FANK1: variants seen among roughly 807,000 people sequenced by gnomAD.
The protein encoded by FANK1 is fibronectin type III and ankyrin repeat domains 1, also known as fibronectin type 3 and ankyrin repeat domains protein 1.
FANK1 carries 44 observed loss-of-function variants against 45.3 expected under a neutral mutation model. That is an observed-to-expected ratio of 0.97 (90% CI 0.76 to 1.25). FANK1 has a LOEUF of 1.25. Ranked by LOEUF, FANK1 falls within the 50% of genes most tolerant of loss-of-function variation. The pLI is 0.00. For synonymous variants in FANK1, 149 were observed against 152.5 expected (o/e 0.98, Z 0.17); for missense variants, 391 against 424.4 (o/e 0.92, Z 0.69).
chr10:125,984,409 T>G (rs1951422927), intron 2 of FANK1, among the ~76,000 whole-genome samples: 1 of 151,756 alleles, frequency 6.6e-6, no homozygotes, highest in Admixed American at 6.6e-5. Flanking sequence ...GGCGGGGAGG[T>G]AGATAGAATC....
intron 6 of FANK1, among the ~76,000 whole-genome samples, chr10:126,001,959 G>A (rs556016100): frequency 2.0e-5 from 3 of 152,074 alleles, no homozygotes; most frequent in African/African-American, 7.2e-5. Flanking sequence ...CTCTGATATG[G>A]GATTTTTTTT....
chr10:125,985,297 C>T (rs1488178486), intron 2 of FANK1, among the ~76,000 whole-genome samples: 2 of 152,202 alleles, frequency 1.3e-5, no homozygotes, highest in Non-Finnish European at 1.5e-5. Flanking sequence ...AAGATCTTTT[C>T]AGATGCCACA....
At chr10:125,948,773 C>T (rs1447567574) in intron 1 of FANK1, among the ~76,000 whole-genome samples, 2 of 151,134 alleles carry the variant, frequency 1.3e-5, no homozygotes, top group Non-Finnish European at 3.0e-5. Flanking sequence ...TTTTATGAGG[C>T]CAGCATCATT....
rs1172422059 is a variant in FANK1 at position 125,971,823 on chromosome 10, C to T, written c.14-8338C>T. On this transcript the variant is annotated intron_variant, in intron 1 of 10. Transcript: ENST00000368693. ...ATTTTTAGTAGAGACAGGGTTTCAC[C>T]ATGTTAGCCAGGATGGTCTCGATCT... 3.9e-5 allele frequency among the ~76,000 whole-genome samples: 6 copies of T among 152,190 alleles called. No individual in the cohort carries two copies. In the South Asian group the frequency reaches 6.2e-4, roughly 16 times the overall value.
chr10:125,901,505 C>T (rs1464234947), intron 1 of FANK1, among the ~76,000 whole-genome samples: 4 of 152,146 alleles, frequency 2.6e-5, no homozygotes, highest in African/African-American at 4.8e-5. Context: ...AAAGTCCTTA[C>T]GTTGATCTAG....
intron 1 of FANK1, among the ~76,000 whole-genome samples, chr10:125,938,295 A>G (rs200533989): frequency 7.1e-4 from 8 of 11,194 alleles, no homozygotes; most frequent in African/African-American, 2.8e-3. Context: ...ATTTATGATT[A>G]AAAAAAAAAT....
intron 1 of FANK1, among the ~76,000 whole-genome samples, chr10:125,906,612 G>A (rs1385470590): frequency 7.3e-5 from 11 of 150,554 alleles, no homozygotes; most frequent in Admixed American, 6.6e-5. Context: ...CCCCAGGCCA[G>A]TGCATTAGCA....
At chr10:125,931,627 A>C (rs988721870) in intron 1 of FANK1, among the ~76,000 whole-genome samples, 1 of 152,194 alleles carries the variant, frequency 6.6e-6, no homozygotes, top group African/African-American at 2.4e-5. Context: ...TCAGATGTAT[A>C]GATTGTGAAG....
intron 1 of FANK1, among the ~76,000 whole-genome samples, chr10:125,957,232 A>T (rs1425869307): frequency 6.6e-6 from 1 of 152,182 alleles, no homozygotes; most frequent in East Asian, 1.9e-4. Flanking sequence ...CAAGAACCTT[A>T]CGACAGTATT....
Position 125,989,430 on chromosome 10 carries a change from G to A in FANK1, c.316+755G>A, listed in dbSNP as rs554241759. ...AAGCTCTTTTTCCGTTTTATTCCAG[G>A]TAGCATTTGGCTTGGAGGTATGTGC... On this transcript the variant is annotated intron_variant, in intron 3 of 10. Transcript: ENST00000368693. The A allele has an allele frequency of 5.9e-4, 839 of 1,424,400 alleles. 4 individuals are homozygous for A. The highest frequency in any genetic ancestry group is 7.4e-4 in the Non-Finnish European group (766 of 1,032,262). 88.2% of individuals were successfully genotyped at this position (1,424,400 alleles called of 1,614,324 possible).
intron 1 of FANK1, among the ~76,000 whole-genome samples, chr10:125,917,365 C>T (rs1946530284): frequency 6.6e-6 from 1 of 152,190 alleles, no homozygotes; most frequent in African/African-American, 2.4e-5. Context: ...TGTGGTTCTG[C>T]TATTGCCCAG....
At chr10:125,918,585 A>AAAAATATATATATATATAT (rs1554913277) in intron 1 of FANK1, among the ~76,000 whole-genome samples, 2 of 70,974 alleles carry the variant, frequency 2.8e-5, no homozygotes, top group African/African-American at 7.9e-5. Context: ...AAAAAAAAAA[A>AAAAATATATATATATATAT]ATATATATAT....
chr10:125,954,758 A>G (rs536570191), intron 1 of FANK1, among the ~76,000 whole-genome samples: 2 of 152,066 alleles, frequency 1.3e-5, no homozygotes, highest in African/African-American at 4.8e-5. Flanking sequence ...TGCCTCTACT[A>G]AAAATATAAA....
intron 3 of FANK1, 31 bp downstream of exon 3, chr10:125,988,706 T>G: frequency 2.5e-6 from 4 of 1,614,216 alleles, no homozygotes; most frequent in Non-Finnish European, 3.4e-6. Context: ...CACTCACCTC[T>G]CTCTAGATCA....
chr10:125,967,709 T>A (rs531897497), intron 1 of FANK1, among the ~76,000 whole-genome samples: 2 of 152,336 alleles, frequency 1.3e-5, no homozygotes, highest in South Asian at 4.1e-4. Flanking sequence ...GCTCAACTGA[T>A]CCTCCCACTT....
At chr10:126,008,905 G>A (rs577758266) in intron 8 of FANK1, 149 bp from the exon 9 acceptor site, 78 of 700,928 alleles carry the variant, frequency 1.1e-4, no homozygotes, top group African/African-American at 8.8e-4. Context: ...CAGAGGAAGC[G>A]CTGTGCCTGC....
Position 125,918,764 on chromosome 10 carries a change from GCT to G in FANK1, c.13+22111_13+22112del, listed in dbSNP as rs1206454004. Among the ~76,000 whole-genome samples, 47 of 151,332 alleles carry G rather than the reference GCT, an allele frequency of 3.1e-4. No homozygotes were observed. In the South Asian group the frequency reaches 9.6e-3, roughly 31 times the overall value. On this transcript the variant is annotated intron_variant, in intron 1 of 10. Transcript: ENST00000368693. Reference sequence around the variant, plus strand: ...CTGGTTCACAGATGAGGAAACTGAGGCTCAGAAAGATTATTTATTTGAAGTCT... The same window carrying G: ...CTGGTTCACAGATGAGGAAACTGAGGCAGAAAGATTATTTATTTGAAGTCT...
intron 1 of FANK1, among the ~76,000 whole-genome samples, chr10:125,922,009 G>A (rs1166112503): frequency 1.3e-5 from 2 of 151,844 alleles, no homozygotes; most frequent in Non-Finnish European, 2.9e-5. Context: ...AGTTTATTTG[G>A]TTCTTTTTTT....
At position 125,951,976 on chromosome 10, in the gene FANK1, A is replaced by C. The variant is rs181046391; in HGVS notation, c.14-28185A>C. On this transcript the variant is annotated intron_variant, in intron 1 of 10. Coordinates refer to ENST00000368693, the MANE Select transcript of FANK1 (RefSeq NM_145235.5). Reference sequence around the variant, plus strand: ...ATACATGTGGGCGTTTTTCACTGGAACATTTGTTTCTTCAGGCCACTTTGC... The same window carrying C: ...ATACATGTGGGCGTTTTTCACTGGACCATTTGTTTCTTCAGGCCACTTTGC... 2.0e-5 allele frequency among the ~76,000 whole-genome samples: 3 copies of C among 152,272 alleles called. No individual in the cohort carries two copies. In the East Asian group the frequency reaches 5.8e-4, roughly 29 times the overall value.
Sources: gnomAD v4.1 joint callset for allele counts (sites outside exome capture counted in the v4.1 genomes callset) on GRCh38, gnomAD v4.1.1 for gene constraint, MANE v1.5 for transcripts, NCBI Gene and HGNC (gene_info 2026-07-23, HGNC 2026-07-21) for gene names.